Variants in RAD51B observed in about 807,000 individuals in gnomAD.
RAD51B encodes the protein RAD51 paralog B.
RAD51B carries 38 observed loss-of-function variants against 42.2 expected under a neutral mutation model. The observed-to-expected ratio is 0.90, with a 90% CI of 0.70 to 1.18. The LOEUF (loss-of-function observed/expected upper bound fraction) is 1.18, where lower values mean the gene tolerates loss of function less well. Ranked by LOEUF, RAD51B falls within the 50% of genes most tolerant of loss-of-function variation. RAD51B has a pLI of 0.00. For missense variants in RAD51B, 373 were observed against 400.7 expected, an observed-to-expected ratio of 0.93 and a Z score of 0.59; for synonymous variants, 154 against 145.2, an observed-to-expected ratio of 1.06 and a Z score of -0.43.
chr14:68,488,990 G>A (rs942963075), intron 10 of RAD51B, among the ~76,000 whole-genome samples: 4 of 152,034 alleles, frequency 2.6e-5, no homozygotes, highest in African/African-American at 9.7e-5. Flanking sequence ...TTTCACTCTT[G>A]TTGCCCAAGG....
At chr14:68,606,415 G>A (rs1290048083) in intron 10 of RAD51B, among the ~76,000 whole-genome samples, 1 of 152,194 alleles carries the variant, frequency 6.6e-6, no homozygotes, top group African/African-American at 2.4e-5. Context: ...TGTCCTTGAA[G>A]TTTTCTGGTT....
At chr14:68,527,449 A>T (rs1887005472) in intron 10 of RAD51B, among the ~76,000 whole-genome samples, 1 of 152,136 alleles carries the variant, frequency 6.6e-6, no homozygotes, top group African/African-American at 2.4e-5. Flanking sequence ...CTGATGTCAG[A>T]CTCTGGCACT....
intron 7 of RAD51B, among the ~76,000 whole-genome samples, chr14:67,958,486 A>C (rs1366633331): frequency 6.6e-6 from 1 of 152,250 alleles, no homozygotes; most frequent in African/African-American, 2.4e-5. Flanking sequence ...TTCATCAAGG[A>C]AAAGTTTGGT....
chr14:67,900,974 AG>A (rs1162729261), intron 7 of RAD51B, among the ~76,000 whole-genome samples: 1 of 152,200 alleles, frequency 6.6e-6, no homozygotes, highest in African/African-American at 2.4e-5. Context: ...CTCATGACCA[AG>A]AAGAATAAGG....
intron 9 of RAD51B, among the ~76,000 whole-genome samples, chr14:68,436,824 T>C (rs887481154): frequency 1.3e-5 from 2 of 152,264 alleles, no homozygotes; most frequent in Admixed American, 6.5e-5. Flanking sequence ...AGCTTGAACA[T>C]TATTGGTGTA....
At chr14:68,378,640 T>A (rs1363118782) in intron 8 of RAD51B, among the ~76,000 whole-genome samples, 1 of 152,172 alleles carries the variant, frequency 6.6e-6, no homozygotes, top group Non-Finnish European at 1.5e-5. Context: ...CATGCTGTAT[T>A]TTAAATTTGT....
At chr14:68,523,737 G>T (rs531121027) in intron 10 of RAD51B, among the ~76,000 whole-genome samples, 2 of 152,296 alleles carry the variant, frequency 1.3e-5, no homozygotes, top group South Asian at 4.1e-4. Flanking sequence ...TATAGGGAAA[G>T]TTGTCCTCCA....
At chr14:68,287,935 G>A (rs148842345) in intron 7 of RAD51B, among the ~76,000 whole-genome samples, 1 of 152,276 alleles carries the variant, frequency 6.6e-6, no homozygotes, top group African/African-American at 2.4e-5. Context: ...CTTGCTCCAT[G>A]TCACACAGCG....
chr14:68,310,175 T>C (rs1262019856), intron 8 of RAD51B, among the ~76,000 whole-genome samples: 3 of 152,148 alleles, frequency 2.0e-5, no homozygotes, highest in South Asian at 2.1e-4. Context: ...CTGGAGAGCC[T>C]TATGAGGGTG....
chr14:68,454,517 A>G (rs1391343683), intron 9 of RAD51B, among the ~76,000 whole-genome samples: 2 of 152,228 alleles, frequency 1.3e-5, no homozygotes, highest in Admixed American at 1.3e-4. Flanking sequence ...GTGCTACAGT[A>G]ACCTTGCACA....
rs77873434 is a variant in RAD51B, at chr14:68,642,548, A to G, written c.1037-8233A>G. 4.3e-3 allele frequency among the ~76,000 whole-genome samples: 662 copies of G among 152,238 alleles called. 41 individuals are homozygous for G. The East Asian group carries it at 0.1, about 23-fold the overall frequency. ...GTTTATTGATCTTATTGATGTTTTC[A>G]AAGGACCAGCTTTTGGTTTTATTCA... is the stretch of plus-strand genomic sequence containing the variant. On this transcript the variant is annotated intron_variant, in intron 10 of 11. Coordinates refer to the RAD51B transcript ENST00000488612.
chr14:68,249,733 A>C (rs890223675), intron 7 of RAD51B, among the ~76,000 whole-genome samples: 4 of 152,246 alleles, frequency 2.6e-5, no homozygotes, highest in Non-Finnish European at 5.9e-5. Context: ...CCCTGGTGAC[A>C]TGAAAGGGCA....
intron 11 of RAD51B, among the ~76,000 whole-genome samples, chr14:68,654,056 G>A (rs1385036674): frequency 6.6e-6 from 1 of 152,252 alleles, no homozygotes. Flanking sequence ...ATGATTGTTG[G>A]CATGATGGCA....
At chr14:68,283,210 G>A (rs3784099) in intron 7 of RAD51B, among the ~76,000 whole-genome samples, 63,515 of 152,016 alleles carry the variant, frequency 0.42, 17,017 homozygotes, top group African/African-American at 0.76. Context: ...AAGCACCACA[G>A]GTAATAAAAA....
At chr14:68,676,568 G>A (rs1450153759) in intron 11 of RAD51B, among the ~76,000 whole-genome samples, 6 of 152,250 alleles carry the variant, frequency 3.9e-5, no homozygotes, top group South Asian at 2.1e-4. Context: ...GTTGCAAGAA[G>A]TAGCTGCAAG....
chr14:68,334,890 TATG>T (rs1181711584), intron 8 of RAD51B, among the ~76,000 whole-genome samples: 4 of 107,054 alleles, frequency 3.7e-5, no homozygotes, highest in South Asian at 3.4e-4. Flanking sequence ...ATATATATTT[TATG>T]ATATATAGGA....
chr14:68,156,031 G>A (rs1009836184), intron 7 of RAD51B, among the ~76,000 whole-genome samples: 2 of 152,206 alleles, frequency 1.3e-5, no homozygotes, highest in African/African-American at 4.8e-5. Context: ...CTTCTGTCTT[G>A]CACTTTGAAG....
At chr14:68,595,239 C>T (rs2140085395) in exon 11 of RAD51B, 1 of 1,057,786 alleles carries the variant, frequency 9.5e-7, no homozygotes, top group Admixed American at 5.3e-5. Flanking sequence ...AATGATTCAC[C>T]CTGGAATACA....
intron 7 of RAD51B, among the ~76,000 whole-genome samples, chr14:68,058,969 G>C (rs1407564858): frequency 1.3e-5 from 2 of 152,106 alleles, no homozygotes; most frequent in African/African-American, 4.8e-5. Context: ...ACCACTTAGT[G>C]AAAAATACTT....
Sources: gnomAD v4.1 joint callset for allele counts (sites outside exome capture counted in the v4.1 genomes callset) on GRCh38, gnomAD v4.1.1 for gene constraint, MANE v1.5 for transcripts, NCBI Gene and HGNC (gene_info 2026-07-23, HGNC 2026-07-21) for gene names.